The following LIFR variants were observed in gnomAD, a reference collection of about 807,000 sequenced individuals.
LIFR encodes LIF receptor subunit alpha, also known as leukemia inhibitory factor receptor.
Under a neutral mutation model 122.2 loss-of-function variants are expected in LIFR, and 84 were observed. That is an observed-to-expected ratio of 0.69 (90% CI 0.58 to 0.82). LIFR has a LOEUF of 0.82. Ranked by LOEUF, LIFR falls within the 40% of genes least tolerant of loss-of-function variation. The probability of loss-of-function intolerance (pLI) is 0.00; values close to 1 mark genes in which losing one functional copy is unlikely to be tolerated. For missense variants in LIFR, 1,294 were observed against 1,311.6 expected, an observed-to-expected ratio of 0.99 and a Z score of 0.21; for synonymous variants, 422 against 434.7, an observed-to-expected ratio of 0.97 and a Z score of 0.36.
intron 1 of LIFR, among the ~76,000 whole-genome samples, chr5:38,585,497 A>G (rs1749717976): frequency 6.6e-6 from 1 of 152,208 alleles, no homozygotes; most frequent in Non-Finnish European, 1.5e-5. Context: ...AAGGGCTCCC[A>G]ACGTTCAATG....
rs1269877109 is a variant in LIFR, at chr5:38,502,817, A to T, written c.1438-18T>A. 10 of 1,340,202 alleles carry T rather than the reference A, an allele frequency of 7.5e-6. No individual in the cohort carries two copies. The highest frequency in any genetic ancestry group is 5.9e-5 in the Admixed American group (3 of 50,946). 83.0% of individuals were successfully genotyped at this position (1,340,202 alleles called of 1,614,324 possible). A position where few individuals can be genotyped will look rare whatever the true frequency, so the allele number is the denominator to read the frequency against. On this transcript the variant is annotated intron_variant, in intron 10 of 19. Transcript: ENST00000453190. ...ACATTCCGCTATTGGAAAACAAATA[A>T]ATATATATATATGTATATATTATGT...
chr5:38,556,841 G>T (rs1338820106), upstream of LIFR: 1 of 151,092 alleles, frequency 6.6e-6, no homozygotes, highest in Non-Finnish European at 1.5e-5. Context: ...GGCCCCGGAC[G>T]CCGAGGGTGG....
chr5:38,576,506 C>T (rs1048082411), intron 1 of LIFR, among the ~76,000 whole-genome samples: 1 of 152,186 alleles, frequency 6.6e-6, no homozygotes, highest in African/African-American at 2.4e-5. Context: ...ATAGGCCTAG[C>T]TTTCCATGAC....
chr5:38,503,272 A>C (rs1261919760), intron 10 of LIFR, among the ~76,000 whole-genome samples: 1 of 152,166 alleles, frequency 6.6e-6, no homozygotes, highest in Admixed American at 6.5e-5. Context: ...GACACTTAGA[A>C]CTTCTAGTAT....
intron 1 of LIFR, among the ~76,000 whole-genome samples, chr5:38,547,195 G>T (rs1028809661): frequency 2.6e-5 from 4 of 152,170 alleles, no homozygotes; most frequent in African/African-American, 9.7e-5. Context: ...TCACCTGCAA[G>T]TCTTGTCACC....
At chr5:38,527,440 G>C (rs541047834) in intron 3 of LIFR, 146 bp from the exon 4 acceptor site, 1 of 608,376 alleles carries the variant, frequency 1.6e-6, no homozygotes, top group East Asian at 2.8e-5. Context: ...TTTTAAGACT[G>C]AAAAAACAGA....
intron 5 of LIFR, among the ~76,000 whole-genome samples, chr5:38,518,966 G>T (rs1477030875): frequency 6.6e-6 from 1 of 152,114 alleles, no homozygotes; most frequent in East Asian, 1.9e-4. Flanking sequence ...AGTTTACAAA[G>T]TTAAAGAAAA....
chr5:38,502,716 A>C lies in LIFR; in HGVS notation c.1521T>G (p.Phe507Leu). The change falls in exon 11 of 20, where the codon TTT (phenylalanine) becomes TTG (leucine). Residue 507 changes from phenylalanine (F) to leucine (L), a missense_variant. Physicochemically the swap from Phe to Leu is conservative, Grantham distance 22. Transcript: ENST00000453190. ...AAGTTTCAGTAGAACAACGAATCCGAAAAGTATATAGAGTGTATGGATTTA... is the reference window on the plus strand; with the variant it reads ...AAGTTTCAGTAGAACAACGAATCCGCAAAGTATATAGAGTGTATGGATTTA... ...DKLNPYTLYTFRIRCSTETFW... is the reference protein window; with the variant it reads ...DKLNPYTLYTLRIRCSTETFW... 1 of 1,611,676 alleles carries C rather than the reference A, an allele frequency of 6.2e-7. No homozygotes were observed.
At chr5:38,534,549 G>C (rs1030662494) in intron 1 of LIFR, among the ~76,000 whole-genome samples, 2 of 152,130 alleles carry the variant, frequency 1.3e-5, no homozygotes, top group African/African-American at 4.8e-5. Context: ...TCTAGTCCTA[G>C]CAAAAATCTA....
chr5:38,540,722 T>TTTATTA (rs1171097591), intron 1 of LIFR, among the ~76,000 whole-genome samples: 1 of 152,016 alleles, frequency 6.6e-6, no homozygotes, highest in Non-Finnish European at 1.5e-5. Context: ...TTTAGTTTTT[T>TTTATTA]TTATTATTAT....
chr5:38,490,775 T>A (rs961170909), intron 14 of LIFR: 3 of 152,504 alleles, frequency 2.0e-5, no homozygotes, highest in African/African-American at 7.2e-5. Context: ...AATTTTTGTA[T>A]TTTTAGTAGA....
At chr5:38,492,796 C>T (rs553615988) in intron 14 of LIFR, among the ~76,000 whole-genome samples, 30 of 152,190 alleles carry the variant, frequency 2.0e-4, no homozygotes, top group African/African-American at 6.5e-4. Context: ...GGAATGATCA[C>T]GAAGCATCAC....
At position 38,479,233 on chromosome 5, in the gene LIFR, A is replaced by G; in HGVS notation, c.*2362T>C. ...TGCTTTGGCCCCAGACATAAATCAC[A>G]TTCTTTTAAGCACACAGCAACTTAT... On this transcript the variant is annotated 3_prime_UTR_variant, in exon 20 of 20. Coordinates refer to ENST00000453190, the MANE Select transcript of LIFR (RefSeq NM_001127671.2). 4.3e-6 allele frequency: 1 copy of G among 231,940 alleles called. No individual in the cohort carries two copies. Among genetic ancestry groups the G allele is most frequent in the East Asian group, 6.1e-5 (1 of 16,452 alleles). The allele number at this position is 231,940 out of a possible 1,614,324, so 14.4% of individuals were successfully genotyped here.
At chr5:38,526,088 C>T (rs961675172) in intron 4 of LIFR, among the ~76,000 whole-genome samples, 6 of 152,174 alleles carry the variant, frequency 3.9e-5, no homozygotes, top group Admixed American at 3.3e-4. Context: ...GAAGTTTCCC[C>T]TAAGCTCCCA....
chr5:38,583,738 A>G (rs980549888), intron 1 of LIFR, among the ~76,000 whole-genome samples: 2 of 152,178 alleles, frequency 1.3e-5, no homozygotes, highest in African/African-American at 2.4e-5. Context: ...ATATGGTTTG[A>G]CTGTGTCCCC....
At chr5:38,569,683 T>G (rs1749146960) in intron 1 of LIFR, among the ~76,000 whole-genome samples, 2 of 152,214 alleles carry the variant, frequency 1.3e-5, no homozygotes. Flanking sequence ...GCTGCCCTAC[T>G]GTGTGTCTTA....
chr5:38,556,235 G>A (rs1289411949), intron 1 of LIFR, 99 bp downstream of exon 1: 3 of 151,982 alleles, frequency 2.0e-5, no homozygotes, highest in East Asian at 2.0e-4. Flanking sequence ...GCAGAGCTGG[G>A]AGCGCTGCCC....
chr5:38,575,138 C>G (rs1241419049), intron 1 of LIFR, among the ~76,000 whole-genome samples: 1 of 152,190 alleles, frequency 6.6e-6, no homozygotes, highest in African/African-American at 2.4e-5. Flanking sequence ...CTTAACAACA[C>G]AGATGAATCT....
chr5:38,538,493 C>G (rs535775086), intron 1 of LIFR, among the ~76,000 whole-genome samples: 1 of 152,324 alleles, frequency 6.6e-6, no homozygotes, highest in Non-Finnish European at 1.5e-5. Context: ...TCCTCAAAAA[C>G]TCCAGATGTA....
Sources: allele counts gnomAD v4.1 joint callset (sites outside exome capture counted in the v4.1 genomes callset), GRCh38; gene constraint gnomAD v4.1.1; transcripts MANE v1.5; gene names NCBI Gene and HGNC (gene_info 2026-07-23, HGNC 2026-07-21).